IGSF3: variants seen among roughly 807,000 people sequenced by gnomAD.
The protein encoded by IGSF3 is glu-Trp-Ile EWI motif-containing protein 3.
IGSF3 carries 23 observed loss-of-function variants against 114.4 expected under a neutral mutation model. That is an observed-to-expected ratio of 0.20 (90% CI 0.14 to 0.28). IGSF3 has a LOEUF of 0.28. Among genes scored for constraint, IGSF3 ranks in the 10% least tolerant of loss-of-function variants. IGSF3 has a pLI of 1.00. For synonymous variants in IGSF3, 571 were observed against 645.2 expected (o/e 0.88, Z 1.74); for missense variants, 1,172 against 1,591.5 (o/e 0.74, Z 4.48).
intron 2 of IGSF3, among the ~76,000 whole-genome samples, chr1:116,652,358 T>C (rs1388237194): frequency 1.3e-5 from 2 of 152,248 alleles, no homozygotes; most frequent in African/African-American, 4.8e-5. Flanking sequence ...TTAGCCTAGT[T>C]TGAGTTACAG....
chr1:116,637,927 G>T (rs1309050887), intron 2 of IGSF3, among the ~76,000 whole-genome samples: 5 of 152,180 alleles, frequency 3.3e-5, no homozygotes, highest in African/African-American at 4.8e-5. Context: ...TGAAGCCAAA[G>T]AAGTCTGAAA....
rs933165716 is a variant in IGSF3 at position 116,605,561 on chromosome 1, C to CT, written c.1223-1537dup. Among the ~76,000 whole-genome samples the CT allele has an allele frequency of 2.0e-5, 3 of 152,168 alleles. No homozygotes were observed. The highest frequency in any genetic ancestry group is 7.2e-5 in the African/African-American group (3 of 41,440). ...ATGGTTAAGGGGATGGATTTGGAGA[C>CT]TTCCTAACTCTGTAATCCTGTGGTT... On this transcript the variant is annotated intron_variant, in intron 5 of 10. Transcript: ENST00000369486. This position sits in a 1 kb window ranked among gnomAD's most constrained non-coding sequence, Gnocchi z 5.1.
rs375099401 is a variant in IGSF3 at position 116,631,351 on chromosome 1, C to T, written c.44-14894G>A. Reference sequence around the variant, plus strand: ...AAAAAAAAAAAAAAAAGAGCATGGGCTTTGAACTATGAGCAGTGGAGAGCC... The same window carrying T: ...AAAAAAAAAAAAAAAAGAGCATGGGTTTTGAACTATGAGCAGTGGAGAGCC... On this transcript the variant is annotated intron_variant, in intron 2 of 10. Coordinates refer to ENST00000369486, the MANE Select transcript of IGSF3 (RefSeq NM_001007237.3). Among the ~76,000 whole-genome samples, 771 of 145,422 alleles carry T rather than the reference C, an allele frequency of 5.3e-3. 9 individuals are homozygous for T. The highest frequency in any genetic ancestry group is 0.018 in the African/African-American group (721 of 39,420).
rs1647396454 is a variant in IGSF3, at chr1:116,628,311, C to T, written c.44-11854G>A. Reference sequence around the variant, plus strand: ...AGCCATAGTTTCTGTGCTCCAAATACTCAGCTTACACATGCCTGTTGCTGC... The same window carrying T: ...AGCCATAGTTTCTGTGCTCCAAATATTCAGCTTACACATGCCTGTTGCTGC... On this transcript the variant is annotated intron_variant, in intron 2 of 10. Transcript: ENST00000369486. This position sits in a 1 kb window ranked among gnomAD's most constrained non-coding sequence, Gnocchi z 4.2. Among the ~76,000 whole-genome samples, 3 of 152,356 alleles carry T rather than the reference C, an allele frequency of 2.0e-5. No individual in the cohort carries two copies. Among genetic ancestry groups the T allele is most frequent in the South Asian group, 2.1e-4 (1 of 4,824 alleles).
In IGSF3 at chr1:116,655,779, T is replaced by C. The variant is rs539162609; in HGVS notation, c.43+10505A>G. Among the ~76,000 whole-genome samples, 4 of 152,354 alleles carry C rather than the reference T, an allele frequency of 2.6e-5. No homozygotes were observed. Among genetic ancestry groups the C allele is most frequent in the African/African-American group, 9.6e-5 (4 of 41,582 alleles). ...TAACAGGTTTCAAACAGGCTTCATTTTAATTTAACATAATTTCAAAATTAT... is the reference window on the plus strand; with the variant it reads ...TAACAGGTTTCAAACAGGCTTCATTCTAATTTAACATAATTTCAAAATTAT... On this transcript the variant is annotated intron_variant, in intron 2 of 10. Transcript: ENST00000369486. This position sits in a 1 kb window ranked among gnomAD's most constrained non-coding sequence, Gnocchi z 4.3.
rs1649346997 is a variant in IGSF3, at chr1:116,666,685, G to A, written c.-359C>T. The stretch of plus-strand genomic sequence containing the variant: ...GTCTGAGAAAATCCTTTCATCCACT[G>A]ATTATACAGAAATGTCCTTGGCTTC... On this transcript the variant is annotated 5_prime_UTR_variant, in exon 2 of 11. The change creates a premature stop within an existing upstream ORF in the 5' untranslated region. Coordinates refer to ENST00000369486, the MANE Select transcript of IGSF3 (RefSeq NM_001007237.3). 1.8e-6 allele frequency: 1 copy of A among 546,586 alleles called. No individual in the cohort carries two copies. The highest frequency in any genetic ancestry group is 2.8e-5 in the South Asian group (1 of 35,346). 33.9% of individuals were successfully genotyped at this position (546,586 alleles called of 1,614,324 possible).
Position 116,644,374 on chromosome 1 carries a change from G to C in IGSF3, c.43+21910C>G, listed in dbSNP as rs1648243156. Among the ~76,000 whole-genome samples, 1 of 152,226 alleles carries C rather than the reference G, an allele frequency of 6.6e-6. No individual in the cohort carries two copies. The highest frequency in any genetic ancestry group is 1.5e-5 in the Non-Finnish European group (1 of 68,044). On this transcript the variant is annotated intron_variant, in intron 2 of 10. Transcript: ENST00000369486. This position sits in a 1 kb window ranked among gnomAD's most constrained non-coding sequence, Gnocchi z 5.6. Reference sequence around the variant, plus strand: ...CAGACGGGAGATGCGCCATATAACAGCAGCAGTTCCACACAGCCCTGCACA... The same window carrying C: ...CAGACGGGAGATGCGCCATATAACACCAGCAGTTCCACACAGCCCTGCACA...
rs539452926 is a variant in IGSF3, at chr1:116,603,651, T to C, written c.1597A>G (p.Ser533Gly). Residue 533 changes from serine to glycine, a missense_variant, in exon 6 of 11, where the codon AGC becomes GGC. Physicochemically the swap from Ser to Gly is moderately conservative, Grantham distance 56. Coordinates refer to ENST00000369486, the MANE Select transcript of IGSF3 (RefSeq NM_001007237.3). The surrounding 1 kb of genome is among the most constrained non-coding windows in gnomAD (Gnocchi z 7.1). ...AGAGCTGTGATGGAGATGGGAGTGCTGGCCCGGCGCTCCCCAACAATCTGC... is the reference window on the plus strand; with the variant it reads ...AGAGCTGTGATGGAGATGGGAGTGCCGGCCCGGCGCTCCCCAACAATCTGC... ...EWQIVGERRASTPISITALEM... is the reference protein window; with the variant it reads ...EWQIVGERRAGTPISITALEM... The C allele has an allele frequency of 1.9e-6, 3 of 1,613,818 alleles. No individual in the cohort carries two copies. The highest frequency in any genetic ancestry group is 4.5e-5 in the East Asian group (2 of 44,884).
rs1213529957 is a variant in IGSF3, at chr1:116,588,906, GT to G, written c.2227del (p.Thr743LeufsTer8). 6.2e-7 allele frequency: 1 copy of G among 1,614,078 alleles called. No individual in the cohort carries two copies. The highest frequency in any genetic ancestry group is 1.3e-5 in the African/African-American group (1 of 74,918). On this transcript the variant is annotated frameshift_variant, in exon 8 of 11. Transcript: ENST00000369486. LOFTEE classifies it high-confidence loss of function. This position sits in a 1 kb window ranked among gnomAD's most constrained non-coding sequence, Gnocchi z 4.9. Reference protein sequence around the residue: ...TTHNSAFEYGTYAEEEGLRAR... With the variant: ...TTHNSAFEYGXYAEEEGLRAR... ...TCTCAGGCCCTCCTCCTCGGCGTAA[GT>G]ACCGTATTCAAAGGCGGAGTTGTGG...
In IGSF3 at chr1:116,629,924, G is replaced by A. The variant is rs1647479757; in HGVS notation, c.44-13467C>T. On this transcript the variant is annotated intron_variant, in intron 2 of 10. Transcript: ENST00000369486. This position sits in a 1 kb window ranked among gnomAD's most constrained non-coding sequence, Gnocchi z 4.3. ...CATGAGGCATTAACAGAGACTGTGA[G>A]CCCTGATGAAAATCATCCTTTCAGG... 6.6e-6 allele frequency among the ~76,000 whole-genome samples: 1 copy of A among 152,188 alleles called. No homozygotes were observed. Among genetic ancestry groups the A allele is most frequent in the African/African-American group, 2.4e-5 (1 of 41,436 alleles).
chr1:116,597,490 G>A (rs1260352890), intron 7 of IGSF3, among the ~76,000 whole-genome samples: 1 of 152,176 alleles, frequency 6.6e-6, no homozygotes, highest in Non-Finnish European at 1.5e-5. Flanking sequence ...GTCCTGCACG[G>A]CCTCAAGCAC....
At chr1:116,637,390 G>T (rs1557880789) in intron 2 of IGSF3, among the ~76,000 whole-genome samples, 1 of 152,200 alleles carries the variant, frequency 6.6e-6, no homozygotes, top group Non-Finnish European at 1.5e-5. Context: ...TAAAGCTTCA[G>T]AGAGATGCAG....
rs766024418 is a variant in IGSF3, at chr1:116,665,012, T to C, written c.43+1272A>G. On this transcript the variant is annotated intron_variant, in intron 2 of 10. Coordinates refer to ENST00000369486, the MANE Select transcript of IGSF3 (RefSeq NM_001007237.3). This position sits in a 1 kb window ranked among gnomAD's most constrained non-coding sequence, Gnocchi z 4.0. ...CACACGAGAGTTTGAGAACCACTGA[T>C]TGCACAAATCTATTATGAGTTTCAG... 3.3e-5 allele frequency among the ~76,000 whole-genome samples: 5 copies of C among 152,236 alleles called. No homozygotes were observed. Among genetic ancestry groups the C allele is most frequent in the Non-Finnish European group, 7.3e-5 (5 of 68,028 alleles).
intron 5 of IGSF3, among the ~76,000 whole-genome samples, chr1:116,606,333 G>C (rs1419854079): frequency 6.6e-6 from 1 of 152,266 alleles, no homozygotes; most frequent in Non-Finnish European, 1.5e-5. Context: ...TCATTAGATG[G>C]ATATCATATT....
chr1:116,602,464 G>C (rs1272210731), intron 6 of IGSF3, among the ~76,000 whole-genome samples: 1 of 152,166 alleles, frequency 6.6e-6, no homozygotes, highest in Non-Finnish European at 1.5e-5. Flanking sequence ...CAGGAACTGA[G>C]CTGATCAGGA....
chr1:116,640,908 C>G (rs1648061255), intron 2 of IGSF3, among the ~76,000 whole-genome samples: 1 of 152,190 alleles, frequency 6.6e-6, no homozygotes. Context: ...ACACTTTTCA[C>G]CAATCAGATA....
Position 116,600,583 on chromosome 1 carries a change from T to C in IGSF3, c.1625-238A>G, listed in dbSNP as rs1024770531. Among the ~76,000 whole-genome samples, 8 of 152,116 alleles carry C rather than the reference T, an allele frequency of 5.3e-5. No individual in the cohort carries two copies. The highest frequency in any genetic ancestry group is 1.9e-4 in the African/African-American group (8 of 41,414). On this transcript the variant is annotated intron_variant, in intron 6 of 10. Coordinates refer to ENST00000369486, the MANE Select transcript of IGSF3 (RefSeq NM_001007237.3). This position sits in a 1 kb window ranked among gnomAD's most constrained non-coding sequence, Gnocchi z 5.5. ...CCCCTGAGCAGCACTAGCCTAACCC[T>C]TCCCAGTGAGATCCTCGTGCATTTG...
At chr1:116,653,271 T>G (rs905195179) in intron 2 of IGSF3, among the ~76,000 whole-genome samples, 3 of 152,218 alleles carry the variant, frequency 2.0e-5, no homozygotes, top group African/African-American at 7.2e-5. Context: ...AGGGAAAATA[T>G]GCAGAAGAAA....
rs572304574 is a variant in IGSF3 at position 116,615,306 on chromosome 1, C to T, written c.421+774G>A. ...ACACATACACACACACACACACACA[C>T]GAAAAAAAAAAGGTCTCCTGCTGGG... On this transcript the variant is annotated intron_variant, in intron 3 of 10. Coordinates refer to ENST00000369486, the MANE Select transcript of IGSF3 (RefSeq NM_001007237.3). The surrounding 1 kb of genome is among the most constrained non-coding windows in gnomAD (Gnocchi z 4.3). Among the ~76,000 whole-genome samples the T allele has an allele frequency of 2.6e-3, 374 of 144,330 alleles. No homozygotes were observed. The highest frequency in any genetic ancestry group is 3.3e-3 in the Non-Finnish European group (215 of 66,080). 94.7% of individuals were successfully genotyped at this position (144,330 alleles called of 152,430 possible).
Sources: allele counts gnomAD v4.1 joint callset (sites outside exome capture counted in the v4.1 genomes callset), GRCh38; gene constraint gnomAD v4.1.1; non-coding constraint Gnocchi (gnomAD v3.1); transcripts MANE v1.5; gene names NCBI Gene and HGNC (gene_info 2026-07-23, HGNC 2026-07-21).